The following KDM2A variants were observed in gnomAD, a reference collection of about 807,000 sequenced individuals.
KDM2A encodes the protein lysine-specific demethylase 2A.
In KDM2A, 3 loss-of-function variants were observed where a neutral mutation model predicts 137.3. The ratio of observed to expected loss-of-function variants is 0.02; its 90% confidence interval spans 0.01 to 0.06. The LOEUF (loss-of-function observed/expected upper bound fraction) is 0.06. KDM2A is among the 10% of genes least tolerant of loss of function. KDM2A has a pLI of 1.00. For synonymous variants in KDM2A, 512 were observed against 541.5 expected (o/e 0.95, Z 0.76); for missense variants, 738 against 1,510.6 (o/e 0.49, Z 8.48).
Position 67,168,583 on chromosome 11 carries a change from A to AATACACACACACAC in KDM2A, c.43-11496_43-11495insATACACACACACAC, listed in dbSNP as rs138261684. 2.5e-5 allele frequency among the ~76,000 whole-genome samples: 2 copies of AATACACACACACAC among 81,300 alleles called. 1 individual carries two copies. 53.3% of individuals were successfully genotyped at this position (81,300 alleles called of 152,430 possible). A position where few individuals can be genotyped will look rare whatever the true frequency, so the allele number is the denominator to read the frequency against. On this transcript the variant is annotated intron_variant, in intron 2 of 20. Transcript: ENST00000529006. ...ACACACACAGTCTTGTATGAATTAT[A>AATACACACACACAC]CACACACACACACACACACACACAC...
At chr11:67,175,134 T>C (rs1185833713) in intron 2 of KDM2A, among the ~76,000 whole-genome samples, 1 of 152,228 alleles carries the variant, frequency 6.6e-6, no homozygotes, top group East Asian at 1.9e-4. Flanking sequence ...GATTGTGTTA[T>C]TGCCTACTGA....
intron 2 of KDM2A, among the ~76,000 whole-genome samples, chr11:67,168,628 C>CACGGTCGGGGGGATAG (rs1856806545): frequency 7.0e-6 from 1 of 142,568 alleles, no homozygotes; most frequent in African/African-American, 2.8e-5. Flanking sequence ...CACACACACA[C>CACGGTCGGGGGGATAG]ACACACACAC....
Position 67,150,728 on chromosome 11 carries a change from G to A in KDM2A, c.43-29351G>A, listed in dbSNP as rs544986744. Among the ~76,000 whole-genome samples, 5 of 152,226 alleles carry A rather than the reference G, an allele frequency of 3.3e-5. No homozygotes were observed. In the South Asian group the frequency reaches 1.0e-3, roughly 32 times the overall value. On this transcript the variant is annotated intron_variant, in intron 2 of 20. Coordinates refer to ENST00000529006, the MANE Select transcript of KDM2A (RefSeq NM_012308.3). ...GAGAAAACTGTGGGAGAGAGGGTCA[G>A]CAGACAAGGTGAAAGATCACTTGAG...
chr11:67,224,488 C>CA, intron 10 of KDM2A, among the ~76,000 whole-genome samples: 1 of 86,136 alleles, frequency 1.2e-5, no homozygotes, highest in South Asian at 3.8e-4. Flanking sequence ...TTTTTTGAGA[C>CA]AGAGTCTCGC....
At chr11:67,186,507 A>T (rs994609027) in intron 5 of KDM2A, among the ~76,000 whole-genome samples, 1 of 152,248 alleles carries the variant, frequency 6.6e-6, no homozygotes, top group African/African-American at 2.4e-5. Context: ...AGAAATGCTC[A>T]GGAGAGTCTG....
chr11:67,173,379 C>G (rs1486036954), intron 2 of KDM2A, among the ~76,000 whole-genome samples: 1 of 152,174 alleles, frequency 6.6e-6, no homozygotes, highest in Non-Finnish European at 1.5e-5. Flanking sequence ...GCCTTGGCCT[C>G]CCAAAGTGTG....
chr11:67,230,762 G>A (rs895316484), intron 11 of KDM2A, among the ~76,000 whole-genome samples: 3 of 152,054 alleles, frequency 2.0e-5, no homozygotes, highest in Non-Finnish European at 1.5e-5. Flanking sequence ...CTTATTTACC[G>A]CTTTGCGCCT....
At chr11:67,157,726 CAA>C (rs1200290673) in intron 2 of KDM2A, among the ~76,000 whole-genome samples, 2 of 110,282 alleles carry the variant, frequency 1.8e-5, no homozygotes, top group South Asian at 5.8e-4. Context: ...GCCTGGGCGA[CAA>C]AAGCAAGACT....
At position 67,197,784 on chromosome 11, in the gene KDM2A, T is replaced by G. The variant is rs181516665; in HGVS notation, c.308-9726T>G. Among the ~76,000 whole-genome samples, 389 of 152,286 alleles carry G rather than the reference T, an allele frequency of 2.6e-3. 2 individuals carry two copies. Among genetic ancestry groups the G allele is most frequent in the African/African-American group, 8.5e-3 (355 of 41,546 alleles). ...CTTAAATGTGAAGTGCTTAGAACAG[T>G]GTCTGGCATATACAGTTGACCCTTG... On this transcript the variant is annotated intron_variant, in intron 5 of 20. Coordinates refer to ENST00000529006, the MANE Select transcript of KDM2A (RefSeq NM_012308.3).
chr11:67,185,744 C>T (rs1008781773), intron 5 of KDM2A, among the ~76,000 whole-genome samples: 1 of 151,942 alleles, frequency 6.6e-6, no homozygotes, highest in Non-Finnish European at 1.5e-5. Context: ...GCTACAGGGA[C>T]TCCACTCTCA....
chr11:67,251,740 T>C (rs1859434881), intron 17 of KDM2A, among the ~76,000 whole-genome samples: 3 of 152,256 alleles, frequency 2.0e-5, no homozygotes, highest in Admixed American at 2.0e-4. Flanking sequence ...GTCAGCAGCT[T>C]GCTTCTGCCA....
At chr11:67,168,674 G>T (rs1291299445) in intron 2 of KDM2A, among the ~76,000 whole-genome samples, 2 of 145,634 alleles carry the variant, frequency 1.4e-5, no homozygotes, top group Admixed American at 1.4e-4. Flanking sequence ...CGGTCGGGGG[G>T]ATAGACAGCA....
intron 2 of KDM2A, among the ~76,000 whole-genome samples, chr11:67,168,608 C>CAG (rs1856805702): frequency 2.9e-5 from 3 of 103,308 alleles, no homozygotes; most frequent in Admixed American, 1.2e-4. Context: ...CACACACACA[C>CAG]ACACACACAC....
intron 2 of KDM2A, among the ~76,000 whole-genome samples, chr11:67,142,195 C>T (rs1187197722): frequency 6.6e-6 from 1 of 151,780 alleles, no homozygotes; most frequent in East Asian, 2.0e-4. Flanking sequence ...CATCACCACG[C>T]CCGGCTAATT....
In KDM2A at chr11:67,229,730, C is replaced by T. The variant is rs184710783; in HGVS notation, c.1084+1567C>T. 2.1e-3 allele frequency among the ~76,000 whole-genome samples: 319 copies of T among 151,622 alleles called. 4 individuals carry two copies. Among genetic ancestry groups the T allele is most frequent in the African/African-American group, 6.8e-3 (281 of 41,306 alleles). ...CTAAAAAATACAGAAATTAGCCAGG[C>T]GTGGTGTTGCGCACCTGTAGTACCA... On this transcript the variant is annotated intron_variant, in intron 11 of 20. Transcript: ENST00000529006.
intron 5 of KDM2A, among the ~76,000 whole-genome samples, chr11:67,185,351 G>C (rs1402257541): frequency 5.3e-5 from 8 of 152,174 alleles, no homozygotes. Flanking sequence ...TGTTATCCCT[G>C]CCAGGTGTGG....
At position 67,127,967 on chromosome 11, in the gene KDM2A, C is replaced by T. The variant is rs1407768163; in HGVS notation, c.42+6609C>T. Among the ~76,000 whole-genome samples, 5 of 149,820 alleles carry T rather than the reference C, an allele frequency of 3.3e-5. No homozygotes were observed. The Admixed American group carries it at 3.4e-4, about 10-fold the overall frequency. On this transcript the variant is annotated intron_variant, in intron 2 of 20. Transcript: ENST00000529006. Reference sequence around the variant, plus strand: ...GCAGGCGATCTGCCTGCCTCGGCTTCCCAAAGTGCTGGGATTACAGTTGTG... The same window carrying T: ...GCAGGCGATCTGCCTGCCTCGGCTTTCCAAAGTGCTGGGATTACAGTTGTG...
intron 5 of KDM2A, among the ~76,000 whole-genome samples, chr11:67,203,493 TA>T (rs890796111): frequency 8.1e-4 from 120 of 147,552 alleles, no homozygotes; most frequent in African/African-American, 2.2e-3. Flanking sequence ...TATATTAATA[TA>T]TTTTTATATA....
intron 2 of KDM2A, among the ~76,000 whole-genome samples, chr11:67,125,816 C>T (rs1479353294): frequency 4.0e-5 from 6 of 150,018 alleles, no homozygotes; most frequent in African/African-American, 1.2e-4. Context: ...TGGTGTAGGG[C>T]GCCTGTAATA....
Sources: gnomAD v4.1 joint callset for allele counts (sites outside exome capture counted in the v4.1 genomes callset) on GRCh38, gnomAD v4.1.1 for gene constraint, MANE v1.5 for transcripts, NCBI Gene and HGNC (gene_info 2026-07-23, HGNC 2026-07-21) for gene names.